The following FERMT1 variants were observed in gnomAD, a reference collection of about 807,000 sequenced individuals.
The protein encoded by FERMT1 is FERM domain containing kindlin 1.
FERMT1 carries 60 observed loss-of-function variants against 85.3 expected under a neutral mutation model. The observed-to-expected ratio is 0.70, with a 90% CI of 0.57 to 0.87. The LOEUF is 0.87. Among genes scored for constraint, FERMT1 ranks in the 40% least tolerant of loss-of-function variants. The pLI is 0.00. For synonymous variants in FERMT1, 275 were observed against 301.1 expected (o/e 0.91, Z 0.90); for missense variants, 701 against 818.9 (o/e 0.86, Z 1.76).
rs1312564651 is a variant in FERMT1 at position 6,074,932 on chromosome 20, T to C, written c.*2241A>G. ...AATCAACTGTAGATAAGGAAGCAAA[T>C]GATGTTGAAAGGTGCCCATTAATTT... On this transcript the variant is annotated 3_prime_UTR_variant, in exon 15 of 15. Coordinates refer to ENST00000217289, the MANE Select transcript of FERMT1 (RefSeq NM_017671.5). 1 of 152,236 alleles carries C rather than the reference T, an allele frequency of 6.6e-6. No homozygotes were observed. The highest frequency in any genetic ancestry group is 1.5e-5 in the Non-Finnish European group (1 of 68,018). 9.4% of individuals were successfully genotyped at this position (152,236 alleles called of 1,614,324 possible).
chr20:6,115,657 A>G (rs542433973), intron 3 of FERMT1, among the ~76,000 whole-genome samples, 154 bp downstream of exon 3: 3 of 152,334 alleles, frequency 2.0e-5, no homozygotes, highest in African/African-American at 7.2e-5. Context: ...AACTCCACTT[A>G]AATGGCTGCA....
intron 6 of FERMT1, among the ~76,000 whole-genome samples, chr20:6,101,569 A>C (rs1982659301): frequency 6.6e-6 from 1 of 152,220 alleles, no homozygotes; most frequent in Non-Finnish European, 1.5e-5. Context: ...CATGAAGCTA[A>C]CTGTGGCTGC....
chr20:6,083,910 ATT>A, intron 13 of FERMT1, 128 bp downstream of exon 13: 1 of 1,076,168 alleles, frequency 9.3e-7, no homozygotes, highest in Non-Finnish European at 1.4e-6. Flanking sequence ...TGTCAGGACT[ATT>A]TATAAAAGGG....
chr20:6,096,816 AT>A, intron 8 of FERMT1, 85 bp downstream of exon 8: 1 of 1,153,530 alleles, frequency 8.7e-7, no homozygotes, highest in Non-Finnish European at 1.2e-6. Context: ...ATCAGATGAA[AT>A]ATTCTCTTCT....
chr20:6,116,168 T>C (rs1184878891), intron 2 of FERMT1, 124 bp from the exon 3 acceptor site: 1 of 743,042 alleles, frequency 1.3e-6, no homozygotes, highest in Non-Finnish European at 2.3e-6. Flanking sequence ...CAGCTCCTCA[T>C]GGCCTTTTAC....
At chr20:6,115,766 T>A (rs377409372) in intron 3 of FERMT1, 45 bp downstream of exon 3, 1 of 1,409,192 alleles carries the variant, frequency 7.1e-7, no homozygotes, top group Non-Finnish European at 1.0e-6. Flanking sequence ...CCTGTCTAGC[T>A]TTGCAAGAGT....
rs766072646 is a variant in FERMT1 at position 6,119,461 on chromosome 20, T to C, written c.94A>G (p.Arg32Gly). 12 of 1,614,002 alleles carry C rather than the reference T, an allele frequency of 7.4e-6. No individual in the cohort carries two copies. The Admixed American group carries it at 1.8e-4, about 25-fold the overall frequency. ...CCAACATGAAGGTCTCCAGATACTC[T>C]CAGTGTGACGTCTTTCTGCTGCTCT... is the stretch of plus-strand genomic sequence containing the variant. ...NEEQQKDVTL[R>G]VSGDLHVGGV... The change falls in exon 2 of 15, where the codon AGA becomes GGA. Residue 32 changes from arginine to glycine, a missense_variant. Transcript: ENST00000217289.
At chr20:6,110,112 G>C (rs1175369089) in intron 5 of FERMT1, among the ~76,000 whole-genome samples, 186 bp downstream of exon 5, 1 of 152,102 alleles carries the variant, frequency 6.6e-6, no homozygotes, top group Non-Finnish European at 1.5e-5. Context: ...TGTAAATTTA[G>C]GCACACTTTA....
chr20:6,102,776 CCT>C (rs1312742051), intron 6 of FERMT1, among the ~76,000 whole-genome samples: 1 of 151,518 alleles, frequency 6.6e-6, no homozygotes, highest in African/African-American at 2.4e-5. Flanking sequence ...TCCTTGAATC[CCT>C]GTTTCTCCCT....
chr20:6,076,885 A>T lies in FERMT1; in HGVS notation c.*288T>A. On this transcript the variant is annotated 3_prime_UTR_variant, in exon 15 of 15. Transcript: ENST00000217289. ...ACCTGGCAGGTTCTGCAAGTCAGAG[A>T]ACTGTAACCACATGCTGGGCCTTAG... The T allele has an allele frequency of 1.6e-5, 8 of 487,234 alleles. No individual in the cohort carries two copies. The highest frequency in any genetic ancestry group is 1.3e-4 in the South Asian group (6 of 45,894). 30.2% of individuals were successfully genotyped at this position (487,234 alleles called of 1,614,324 possible). A position where few individuals can be genotyped will look rare whatever the true frequency, so the allele number is the denominator to read the frequency against.
At chr20:6,111,023 A>G (rs948044566) in intron 4 of FERMT1, among the ~76,000 whole-genome samples, 1 of 152,050 alleles carries the variant, frequency 6.6e-6, no homozygotes, top group South Asian at 2.1e-4. Context: ...TGCAACCTCA[A>G]CCTCCCAGGT....
chr20:6,076,318 A>G lies in FERMT1; in HGVS notation c.*855T>C, dbSNP rs1981819048. The G allele has an allele frequency of 7.3e-6, 3 of 412,836 alleles. No homozygotes were observed. Among genetic ancestry groups the G allele is most frequent in the African/African-American group, 2.0e-5 (1 of 49,040 alleles). The allele number at this position is 412,836 out of a possible 1,614,324, so 25.6% of individuals were successfully genotyped here. On this transcript the variant is annotated 3_prime_UTR_variant, in exon 15 of 15. Transcript: ENST00000217289. ...GACACTGGCAGGTGTTTCTATGAACAGAGAGGACTGTGCCTGTCTTCCTGA... is the reference window on the plus strand; with the variant it reads ...GACACTGGCAGGTGTTTCTATGAACGGAGAGGACTGTGCCTGTCTTCCTGA...
At chr20:6,078,941 T>C (rs1196903576) in intron 14 of FERMT1, among the ~76,000 whole-genome samples, 1 of 152,206 alleles carries the variant, frequency 6.6e-6, no homozygotes, top group Admixed American at 6.5e-5. Flanking sequence ...GTCATCACTA[T>C]GGACCTCACT....
intron 1 of FERMT1, among the ~76,000 whole-genome samples, chr20:6,122,519 G>C (rs1173993298): frequency 6.6e-6 from 1 of 152,206 alleles, no homozygotes; most frequent in Non-Finnish European, 1.5e-5. Flanking sequence ...GGATCCTGGG[G>C]CGGATGTTGG....
rs927239737 is a variant in FERMT1 at position 6,089,065 on chromosome 20, A to G, written c.1164T>C (p.Ala388=). 1 of 1,612,482 alleles carries G rather than the reference A, an allele frequency of 6.2e-7. No homozygotes were observed. The highest frequency in any genetic ancestry group is 8.5e-7 in the Non-Finnish European group (1 of 1,178,784). ...TAAAGATAAACCAATATTGTTTGAA[A>G]GCTTTTGGTAGTAACTTCTTGGGCC... The part of the protein sequence containing the change: ...LFRPKKLLPK[A]FKQYWFIFKD... The change falls in exon 10 of 15, where the codon GCT becomes GCC. Residue 388 remains alanine, a synonymous_variant. Coordinates refer to ENST00000217289, the MANE Select transcript of FERMT1 (RefSeq NM_017671.5).
chr20:6,112,091 G>A (rs1982967157), intron 4 of FERMT1, among the ~76,000 whole-genome samples: 1 of 151,852 alleles, frequency 6.6e-6, no homozygotes, highest in African/African-American at 2.4e-5. Context: ...GCCCAGGCTG[G>A]TCTCAAACTT....
Position 6,085,061 on chromosome 20 carries a change from A to C in FERMT1, c.1593+5T>G. The C allele has an allele frequency of 3.1e-6, 5 of 1,606,982 alleles. No homozygotes were observed. Among genetic ancestry groups the C allele is most frequent in the Non-Finnish European group, 4.3e-6 (5 of 1,173,488 alleles). Reference sequence around the variant, plus strand: ...AAACAATTGCCCTAACAAGATTAACAGTACCTGTTTGGATTTGTGTCTTTT... The same window carrying C: ...AAACAATTGCCCTAACAAGATTAACCGTACCTGTTTGGATTTGTGTCTTTT... On this transcript the variant is annotated splice_donor_5th_base_variant and intron_variant, in intron 12 of 14. Transcript: ENST00000217289.
chr20:6,098,183 C>G (rs982221755), intron 6 of FERMT1, among the ~76,000 whole-genome samples: 2 of 152,132 alleles, frequency 1.3e-5, no homozygotes, highest in African/African-American at 4.8e-5. Flanking sequence ...ATTATTTTCT[C>G]TCTCTTTTAT....
intron 8 of FERMT1, among the ~76,000 whole-genome samples, chr20:6,096,316 T>G (rs180861564): frequency 6.6e-6 from 1 of 152,146 alleles, no homozygotes; most frequent in Admixed American, 6.5e-5. Flanking sequence ...ACTTGAGCCC[T>G]GGAGTTAGAG....
Sources: gnomAD v4.1 joint callset for allele counts (sites outside exome capture counted in the v4.1 genomes callset) on GRCh38, gnomAD v4.1.1 for gene constraint, MANE v1.5 for transcripts, NCBI Gene and HGNC (gene_info 2026-07-23, HGNC 2026-07-21) for gene names.